LINGO2: variants seen among roughly 807,000 people sequenced by gnomAD.
LINGO2 encodes leucine rich repeat and Ig domain containing 2.
Under a neutral mutation model 30.6 loss-of-function variants are expected in LINGO2, and 14 were observed. That is an observed-to-expected ratio of 0.46 (90% CI 0.30 to 0.72). LINGO2 has a LOEUF of 0.72. LINGO2 is among the 30% of genes least tolerant of loss of function. LINGO2 has a pLI of 0.07. For missense variants in LINGO2, 729 were observed against 751.7 expected (o/e 0.97, Z 0.35); for synonymous variants, 317 against 288.5 (o/e 1.10, Z -1.00).
intron 4 of LINGO2, among the ~76,000 whole-genome samples, chr9:28,211,630 A>G (rs1412352059): frequency 2.6e-5 from 4 of 151,486 alleles, no homozygotes; most frequent in Admixed American, 2.0e-4. Context: ...TTTTTCTTGC[A>G]TTTCTTACTT....
rs528794356 is a variant in LINGO2 at position 27,999,960 on chromosome 9, A to T, written c.-36+12395T>A. The stretch of plus-strand genomic sequence containing the variant: ...TCTCCTGTGACTCAATATTAGCTCC[A>T]CTATACATGATGTCAAATAATTGTT... On this transcript the variant is annotated intron_variant, in intron 5 of 5. Coordinates refer to ENST00000379992, the Ensembl canonical transcript of LINGO2. 9.9e-5 allele frequency among the ~76,000 whole-genome samples: 15 copies of T among 152,206 alleles called. No homozygotes were observed. The East Asian group carries it at 3.0e-3, about 30-fold the overall frequency.
chr9:28,149,241 G>A (rs553415575), intron 4 of LINGO2: 2 of 840,134 alleles, frequency 2.4e-6, no homozygotes, highest in Non-Finnish European at 3.7e-6. Context: ...CTGTAATCAA[G>A]CACTTTGGGA....
intron 4 of LINGO2, among the ~76,000 whole-genome samples, chr9:28,016,076 G>A (rs1464061507): frequency 6.6e-6 from 1 of 151,338 alleles, no homozygotes; most frequent in Non-Finnish European, 1.5e-5. Context: ...GGCTTCCTTG[G>A]AGAAGTGGCA....
chr9:28,241,664 C>A (rs948271864), intron 4 of LINGO2, among the ~76,000 whole-genome samples: 6 of 152,142 alleles, frequency 3.9e-5, no homozygotes, highest in African/African-American at 1.4e-4. Flanking sequence ...CTATGCCACT[C>A]AACTGAGTGA....
chr9:28,937,016 A>G, the LINGO2 span, among the ~76,000 whole-genome samples: 1 of 152,126 alleles, frequency 6.6e-6, no homozygotes, highest in African/African-American at 2.4e-5. Flanking sequence ...CACCAGCAGT[A>G]TTGGATTAAC....
intron 4 of LINGO2, among the ~76,000 whole-genome samples, chr9:28,212,132 C>T (rs1422906960): frequency 6.6e-6 from 1 of 151,298 alleles, no homozygotes; most frequent in African/African-American, 2.4e-5. Context: ...CTTTGTCTTT[C>T]CATCTGAGAA....
intron 4 of LINGO2, among the ~76,000 whole-genome samples, chr9:28,088,229 CACACACACAT>C (rs904136387): frequency 1.2e-4 from 17 of 141,382 alleles, no homozygotes; most frequent in African/African-American, 3.5e-4. Flanking sequence ...CACACACACA[CACACACACAT>C]ATAATGGTTT....
At chr9:28,999,925 T>G in the LINGO2 span, among the ~76,000 whole-genome samples, 4 of 151,976 alleles carry the variant, frequency 2.6e-5, no homozygotes, top group South Asian at 8.3e-4. Context: ...TCTGGCTCTT[T>G]CCACTCAGGC....
In LINGO2 at chr9:28,154,240, T is replaced by C. The variant is rs531487582; in HGVS notation, c.-87+140968A>G. 2.6e-5 allele frequency among the ~76,000 whole-genome samples: 4 copies of C among 152,144 alleles called. No homozygotes were observed. The East Asian group carries it at 5.8e-4, about 22-fold the overall frequency. Reference sequence around the variant, plus strand: ...TTGTATAGCCTGCTATTTATTACTATGAGATTTTATGCGCTTGTCATATTT... The same window carrying C: ...TTGTATAGCCTGCTATTTATTACTACGAGATTTTATGCGCTTGTCATATTT... On this transcript the variant is annotated intron_variant, in intron 4 of 5. Transcript: ENST00000379992.
intron 5 of LINGO2, among the ~76,000 whole-genome samples, chr9:27,964,679 T>G (rs982677768): frequency 6.6e-6 from 1 of 152,114 alleles, no homozygotes; most frequent in African/African-American, 2.4e-5. Flanking sequence ...AACTGTGCTA[T>G]AGATAACTTA....
Position 28,617,485 on chromosome 9 carries a change from C to T in LINGO2, c.-365+52715G>A, listed in dbSNP as rs145915584. Among the ~76,000 whole-genome samples, 1,192 of 152,006 alleles carry T rather than the reference C, an allele frequency of 7.8e-3. 19 individuals carry two copies. The highest frequency in any genetic ancestry group is 0.011 in the Non-Finnish European group (773 of 67,952). On this transcript the variant is annotated intron_variant, in intron 1 of 5. Coordinates refer to ENST00000379992, the Ensembl canonical transcript of LINGO2. ...TAATTTTTTGTATTTTTAGTAGAGACGGGGTTTCACCGTGTTAGTCAGGAT... is the reference window on the plus strand; with the variant it reads ...TAATTTTTTGTATTTTTAGTAGAGATGGGGTTTCACCGTGTTAGTCAGGAT...
the LINGO2 span, among the ~76,000 whole-genome samples, chr9:29,045,436 C>CA: frequency 1.3e-5 from 2 of 151,466 alleles, no homozygotes; most frequent in Non-Finnish European, 2.9e-5. Context: ...TATTGATGAG[C>CA]AAAAAAATAA....
the LINGO2 span, among the ~76,000 whole-genome samples, chr9:28,931,453 T>C: frequency 1.3e-5 from 2 of 152,316 alleles, no homozygotes; most frequent in Middle Eastern, 3.4e-3. Context: ...AGTTACTCAA[T>C]GCCTTCAGAC....
the LINGO2 span, among the ~76,000 whole-genome samples, chr9:28,969,255 C>T: frequency 6.6e-6 from 1 of 152,066 alleles, no homozygotes; most frequent in African/African-American, 2.4e-5. Flanking sequence ...GTGGTCAGCA[C>T]ATCCCTTATT....
chr9:28,522,601 T>C (rs1820867044), intron 1 of LINGO2, among the ~76,000 whole-genome samples: 1 of 152,172 alleles, frequency 6.6e-6, no homozygotes, highest in Admixed American at 6.5e-5. Context: ...ATACAACTTA[T>C]ACAAAAGGAA....
At chr9:28,551,762 T>A (rs1301201202) in intron 1 of LINGO2, among the ~76,000 whole-genome samples, 4 of 152,084 alleles carry the variant, frequency 2.6e-5, no homozygotes, top group African/African-American at 4.8e-5. Context: ...ATATTGACAT[T>A]CTATTTTGGA....
At chr9:28,838,210 T>C in the LINGO2 span, among the ~76,000 whole-genome samples, 2 of 152,102 alleles carry the variant, frequency 1.3e-5, no homozygotes, top group East Asian at 1.9e-4. Flanking sequence ...ATAGATAAAA[T>C]GCAGAAGCAG....
At chr9:28,053,025 T>C (rs924697460) in intron 4 of LINGO2, among the ~76,000 whole-genome samples, 1 of 152,132 alleles carries the variant, frequency 6.6e-6, no homozygotes, top group East Asian at 1.9e-4. Flanking sequence ...GTATGTTTTC[T>C]GTCCTCATCA....
intron 2 of LINGO2, among the ~76,000 whole-genome samples, chr9:28,399,793 C>G (rs1034410006): frequency 6.6e-6 from 1 of 152,116 alleles, no homozygotes; most frequent in Non-Finnish European, 1.5e-5. Context: ...ATTTGATTTA[C>G]AGATGTTTAA....
Sources: gnomAD v4.1 joint callset for allele counts (sites outside exome capture counted in the v4.1 genomes callset) on GRCh38, gnomAD v4.1.1 for gene constraint, MANE v1.5 for transcripts, NCBI Gene and HGNC (gene_info 2026-07-23, HGNC 2026-07-21) for gene names.